Variants in CSMD1 observed in about 807,000 individuals in gnomAD.
CSMD1 encodes CUB and Sushi multiple domains 1, also known as CUB and sushi domain-containing protein 1.
CSMD1 carries 213 observed loss-of-function variants against 417.5 expected under a neutral mutation model. That is an observed-to-expected ratio of 0.51 (90% confidence interval 0.46 to 0.57). The LOEUF (loss-of-function observed/expected upper bound fraction) is 0.57, where lower values mean the gene tolerates loss of function less well. CSMD1 is among the 20% of genes least tolerant of loss of function. The pLI is 0.00. For missense variants in CSMD1, 6,923 were observed against 4,529.7 expected, an observed-to-expected ratio of 1.53 and a Z score of -15.17; for synonymous variants, 2,862 against 1,736.8, an observed-to-expected ratio of 1.65 and a Z score of -16.11.
At chr8:3,679,254 G>C (rs1287258744) in intron 7 of CSMD1, among the ~76,000 whole-genome samples, 1 of 152,142 alleles carries the variant, frequency 6.6e-6, no homozygotes, top group Non-Finnish European at 1.5e-5. Context: ...TGGATAAAGA[G>C]TCAAGACCCA....
intron 10 of CSMD1, among the ~76,000 whole-genome samples, chr8:3,573,825 T>C (rs1010621451): frequency 8.7e-6 from 1 of 115,006 alleles, no homozygotes; most frequent in East Asian, 2.2e-4. Context: ...ACTATAAATA[T>C]AATTATTTTA....
intron 23 of CSMD1, among the ~76,000 whole-genome samples, chr8:3,317,283 A>G (rs1389931777): frequency 1.3e-5 from 2 of 152,216 alleles, no homozygotes; most frequent in Non-Finnish European, 2.9e-5. Flanking sequence ...CATGCTTTGG[A>G]TATGTTAGGA....
At chr8:3,447,218 G>A (rs762425458) in intron 12 of CSMD1, among the ~76,000 whole-genome samples, 5 of 152,122 alleles carry the variant, frequency 3.3e-5, no homozygotes, top group Non-Finnish European at 5.9e-5. Context: ...GCATGCGTCT[G>A]CATCTATCAA....
intron 12 of CSMD1, among the ~76,000 whole-genome samples, chr8:3,428,598 C>T (rs964020856): frequency 1.3e-5 from 2 of 152,058 alleles, no homozygotes; most frequent in Non-Finnish European, 2.9e-5. Context: ...AAGAGTTCAC[C>T]GTTAGTGAGG....
chr8:2,944,978 G>A (rs1802120008), intron 68 of CSMD1, among the ~76,000 whole-genome samples: 1 of 152,082 alleles, frequency 6.6e-6, no homozygotes, highest in Non-Finnish European at 1.5e-5. Flanking sequence ...CACGTAAGAA[G>A]GTGTTTGTGA....
chr8:4,126,108 T>G (rs891383231), intron 3 of CSMD1, among the ~76,000 whole-genome samples: 3 of 151,952 alleles, frequency 2.0e-5, no homozygotes, highest in African/African-American at 7.3e-5. Context: ...AAAACTCACT[T>G]TGACCCCCTG....
chr8:3,196,563 A>G (rs1563133144), intron 33 of CSMD1, among the ~76,000 whole-genome samples: 1 of 152,134 alleles, frequency 6.6e-6, no homozygotes, highest in Non-Finnish European at 1.5e-5. Context: ...GGAGGGGAAT[A>G]ATTAGATTTC....
intron 3 of CSMD1, among the ~76,000 whole-genome samples, chr8:4,298,060 C>T (rs186155305): frequency 2.6e-5 from 4 of 152,238 alleles, no homozygotes; most frequent in African/African-American, 9.6e-5. Context: ...ACTACCAGTA[C>T]ATGCTAGCGT....
chr8:4,152,536 A>C (rs1435367304), intron 3 of CSMD1, among the ~76,000 whole-genome samples: 1 of 151,488 alleles, frequency 6.6e-6, no homozygotes, highest in Non-Finnish European at 1.5e-5. Context: ...AAAAAAAAAA[A>C]AAAATTAGCT....
intron 1 of CSMD1, chr8:4,787,503 T>G: frequency 1.0e-6 from 1 of 962,264 alleles, no homozygotes; most frequent in Non-Finnish European, 1.7e-6. Context: ...ACCAGTTGTA[T>G]TTTTCAGTTA....
At chr8:4,615,870 T>G (rs1050524190) in intron 2 of CSMD1, among the ~76,000 whole-genome samples, 3 of 152,188 alleles carry the variant, frequency 2.0e-5, no homozygotes, top group South Asian at 2.1e-4. Flanking sequence ...AAAGCATTCT[T>G]TTTTCACTGT....
At chr8:3,405,017 C>T in intron 15 of CSMD1, among the ~76,000 whole-genome samples, 1 of 152,034 alleles carries the variant, frequency 6.6e-6, no homozygotes, top group Non-Finnish European at 1.5e-5. Context: ...ACTCAAAGGA[C>T]AAGAATAATT....
At chr8:3,013,322 A>G (rs1808554907) in intron 52 of CSMD1, among the ~76,000 whole-genome samples, 1 of 152,282 alleles carries the variant, frequency 6.6e-6, no homozygotes, top group Non-Finnish European at 1.5e-5. Flanking sequence ...TGCTGACTCT[A>G]CCCGTCAGGG....
At chr8:3,915,405 C>CAGA (rs1554484704) in intron 5 of CSMD1, among the ~76,000 whole-genome samples, 8 of 76,288 alleles carry the variant, frequency 1.0e-4, no homozygotes, top group Admixed American at 1.6e-4. Context: ...GACTCTGTCT[C>CAGA]AAAAAAAAAA....
intron 1 of CSMD1, among the ~76,000 whole-genome samples, chr8:4,931,541 T>TG (rs1807248776): frequency 6.6e-6 from 1 of 151,620 alleles, no homozygotes; most frequent in African/African-American, 2.4e-5. Flanking sequence ...GTGACTGCCT[T>TG]GGAGGATCAC....
intron 40 of CSMD1, among the ~76,000 whole-genome samples, chr8:3,149,921 C>G (rs942894951): frequency 6.6e-6 from 1 of 152,112 alleles, no homozygotes; most frequent in Non-Finnish European, 1.5e-5. Context: ...ATAATTTGAC[C>G]AACAAGGCTC....
intron 1 of CSMD1, among the ~76,000 whole-genome samples, chr8:4,783,787 T>C (rs1461652084): frequency 6.6e-6 from 1 of 152,190 alleles, no homozygotes; most frequent in Non-Finnish European, 1.5e-5. Context: ...CATTTGTAAC[T>C]GTGGAGGCTT....
At chr8:4,615,519 G>C (rs1459068460) in intron 2 of CSMD1, among the ~76,000 whole-genome samples, 2 of 152,076 alleles carry the variant, frequency 1.3e-5, no homozygotes, top group African/African-American at 2.4e-5. Context: ...TTTTAAAGTA[G>C]GAAAAATATT....
At chr8:3,852,847 C>G (rs1308657464) in intron 5 of CSMD1, among the ~76,000 whole-genome samples, 6 of 152,100 alleles carry the variant, frequency 3.9e-5, no homozygotes, top group Non-Finnish European at 7.4e-5. Context: ...CCAGGGATTC[C>G]TCTCAGCAGA....
Sources: allele counts gnomAD v4.1 joint callset (sites outside exome capture counted in the v4.1 genomes callset), GRCh38; gene constraint gnomAD v4.1.1; transcripts MANE v1.5; gene names NCBI Gene and HGNC (gene_info 2026-07-23, HGNC 2026-07-21).